HMCN2: variants seen among roughly 807,000 people sequenced by gnomAD.
The protein encoded by HMCN2 is hemicentin-2.
In HMCN2, 325 loss-of-function variants were observed where a neutral mutation model predicts 377.5. The observed-to-expected ratio is 0.86, with a 90% CI of 0.79 to 0.94. HMCN2 has a LOEUF of 0.94. Ranked by LOEUF, HMCN2 falls within the 40% of genes least tolerant of loss-of-function variation. HMCN2 has a pLI of 0.00. For synonymous variants in HMCN2, 2,007 were observed against 2,046.8 expected (o/e 0.98, Z 0.53); for missense variants, 4,543 against 4,725.3 (o/e 0.96, Z 1.13).
intron 79 of HMCN2, among the ~76,000 whole-genome samples, 155 bp from the exon 80 acceptor site, chr9:130,403,586 C>T (rs921551475): frequency 2.6e-5 from 4 of 152,184 alleles, no homozygotes; most frequent in African/African-American, 9.6e-5. Context: ...CTGAGCTGGG[C>T]TCAGGGTCAG....
At position 130,304,251 on chromosome 9, in the gene HMCN2, T is replaced by C. The variant is rs1554935718; in HGVS notation, c.1544-479T>C. ...CAGCAGTCTCTGATCTTGCCACTTC[T>C]TGTGGCTTTTTGCTATCCAGATAGC... On this transcript the variant is annotated intron_variant, in intron 10 of 97. Transcript: ENST00000683500. This position sits in a 1 kb window ranked among gnomAD's most constrained non-coding sequence, Gnocchi z 4.3. Among the ~76,000 whole-genome samples, 1 of 152,224 alleles carries C rather than the reference T, an allele frequency of 6.6e-6. No individual in the cohort carries two copies. The highest frequency in any genetic ancestry group is 1.5e-5 in the Non-Finnish European group (1 of 68,030).
chr9:130,301,591 C>T (rs377270323), intron 8 of HMCN2, among the ~76,000 whole-genome samples: 143 of 152,284 alleles, frequency 9.4e-4, no homozygotes, highest in African/African-American at 3.2e-3. Flanking sequence ...GGGTGAGTGG[C>T]GACTGCTTTG....
chr9:130,427,268 G>A (rs1257695107), intron 90 of HMCN2, 45 bp from the exon 91 acceptor site: 16 of 1,537,556 alleles, frequency 1.0e-5, no homozygotes, highest in Middle Eastern at 3.4e-4. Context: ...AGCCTTGGGA[G>A]AGGACACCCT....
intron 25 of HMCN2, among the ~76,000 whole-genome samples, chr9:130,344,356 G>A (rs1415095154): frequency 2.0e-5 from 3 of 151,640 alleles, no homozygotes; most frequent in African/African-American, 7.3e-5. Context: ...TGTGTATGTA[G>A]TATGTGGTGT....
chr9:130,410,200 T>C (rs1843337113), intron 84 of HMCN2, among the ~76,000 whole-genome samples: 1 of 152,222 alleles, frequency 6.6e-6, no homozygotes, highest in South Asian at 2.1e-4. Flanking sequence ...CCAAACTTAC[T>C]TGACCATGGA....
intron 22 of HMCN2, among the ~76,000 whole-genome samples, chr9:130,332,909 C>T (rs1196511619): frequency 1.3e-5 from 2 of 152,170 alleles, no homozygotes; most frequent in Non-Finnish European, 2.9e-5. Flanking sequence ...GTTCATTCCA[C>T]GGCCGCCGGC....
chr9:130,409,267 T>C (rs1427517223), intron 84 of HMCN2, among the ~76,000 whole-genome samples: 1 of 152,064 alleles, frequency 6.6e-6, no homozygotes, highest in Non-Finnish European at 1.5e-5. Context: ...CCTCAGGGGG[T>C]AGGGTAGGCA....
Position 130,431,459 on chromosome 9 carries a change from C to G in HMCN2, c.14740C>G (p.Leu4914Val), listed in dbSNP as rs1373559872. 1 of 1,549,970 alleles carries G rather than the reference C, an allele frequency of 6.5e-7. No individual in the cohort carries two copies. The highest frequency in any genetic ancestry group is 1.2e-5 in the South Asian group (1 of 84,056). Residue 4914 changes from leucine to valine, a missense_variant, in exon 96 of 98, where the codon CTG (leucine) becomes GTG (valine). Around this residue, in one of 5 missense-constraint regions of HMCN2, gnomAD observed 1,155 missense variants for 1,157.7 expected, o/e 1.00. Coordinates refer to ENST00000683500, the MANE Select transcript of HMCN2 (RefSeq NM_001291815.2). ...GTGCCTGTGCCCCGCCGGCTACCGT[C>G]TGCTCCCCAGCGGGAAGAACTGCCA... Reference protein sequence around the residue: ...YQCLCPAGYRLLPSGKNCQDI... With the variant: ...YQCLCPAGYRVLPSGKNCQDI...
chr9:130,426,455 G>A (rs1459617241), intron 90 of HMCN2, among the ~76,000 whole-genome samples: 1 of 152,240 alleles, frequency 6.6e-6, no homozygotes, highest in Admixed American at 6.5e-5. Flanking sequence ...CAAATCCGAG[G>A]TACACCACTT....
At position 130,432,520 on chromosome 9, in the gene HMCN2, C is replaced by T; in HGVS notation, c.14859C>T (p.Pro4953=). ...GCAGCTACCAGTGTGTGGACACACC[C>T]TGTCCTGCCACCTACCGGCAGGGCC... ...TRGSYQCVDT[P]CPATYRQGPS... is the part of the protein sequence containing the mutation. Residue 4953 remains proline (P), a synonymous_variant, in exon 97 of 98, where the codon CCC becomes CCT. Transcript: ENST00000683500. The T allele has an allele frequency of 1.1e-5, 17 of 1,550,654 alleles. No homozygotes were observed. The highest frequency in any genetic ancestry group is 1.5e-5 in the Non-Finnish European group (17 of 1,146,994).
chr9:130,293,823 AC>A (rs1835949273), intron 4 of HMCN2, among the ~76,000 whole-genome samples: 1 of 152,186 alleles, frequency 6.6e-6, no homozygotes, highest in African/African-American at 2.4e-5. Context: ...AATGTGAATG[AC>A]TGGAGTGCAG....
At position 130,337,916 on chromosome 9, in the gene HMCN2, T is replaced by TCCCTGCGTCTGGCC. The variant is rs1425486894; in HGVS notation, c.3384_3397dup (p.Gln1133ProfsTer47). 2 of 152,476 alleles carry TCCCTGCGTCTGGCC rather than the reference T, an allele frequency of 1.3e-5. No individual in the cohort carries two copies. Among genetic ancestry groups the TCCCTGCGTCTGGCC allele is most frequent in the African/African-American group, 4.8e-5 (2 of 41,364 alleles). The allele number at this position is 152,476 out of a possible 1,614,324, so 9.4% of individuals were successfully genotyped here. ...CAGGTATGGCCTCCTCCCGTCTGGCTCCCTGCGTCTGGCCCAGGTGCAGGT... is the reference window on the plus strand; with the variant it reads ...CAGGTATGGCCTCCTCCCGTCTGGCTCCCTGCGTCTGGCCCCCTGCGTCTGGCCCAGGTGCAGGT... On this transcript the variant is annotated frameshift_variant, in exon 23 of 98. Transcript: ENST00000683500. LOFTEE classifies it high-confidence loss of function.
At chr9:130,274,281 C>T (rs1834559167) in intron 1 of HMCN2, among the ~76,000 whole-genome samples, 1 of 152,138 alleles carries the variant, frequency 6.6e-6, no homozygotes, top group African/African-American at 2.4e-5. Context: ...GTCTCGAACT[C>T]CTGACCTCAG....
At position 130,396,294 on chromosome 9, in the gene HMCN2, CT is replaced by C. The variant is rs1842607399; in HGVS notation, c.11180del (p.Leu3727ArgfsTer16). The C allele has an allele frequency of 1.6e-6, 2 of 1,274,194 alleles. No homozygotes were observed. The highest frequency in any genetic ancestry group is 2.0e-6 in the Non-Finnish European group (2 of 976,070). The allele number at this position is 1,274,194 out of a possible 1,614,324, so 78.9% of individuals were successfully genotyped here. ...GAGCTGGCGGAAGGACAGGGTCCCC[CT>C]GGATCCCAGGAGCCCCAGGTGGGAG... is the stretch of plus-strand genomic sequence containing the variant. ...LVSWRKDRVP[L>X]DPRSPRFEIL... On this transcript the variant is annotated frameshift_variant, in exon 73 of 98. Coordinates refer to ENST00000683500, the MANE Select transcript of HMCN2 (RefSeq NM_001291815.2). LOFTEE classifies it high-confidence loss of function.
In HMCN2 at chr9:130,391,136, C is replaced by T. The variant is rs2131673107; in HGVS notation, c.9667+16C>T. 2.0e-6 allele frequency: 2 copies of T among 987,892 alleles called. No homozygotes were observed. The highest frequency in any genetic ancestry group is 2.4e-6 in the Non-Finnish European group (2 of 830,264). The allele number at this position is 987,892 out of a possible 1,614,324, so 61.2% of individuals were successfully genotyped here. A position where few individuals can be genotyped will look rare whatever the true frequency, so the allele number is the denominator to read the frequency against. ...GCAGTGCTGGGTAGGTCTGCGCCTG[C>T]ACCCTCCTGTCCCACTCCCATGGCA... On this transcript the variant is annotated intron_variant, in intron 63 of 97. Transcript: ENST00000683500.
At chr9:130,268,940 G>A (rs1214031985) in intron 1 of HMCN2, among the ~76,000 whole-genome samples, 1 of 149,032 alleles carries the variant, frequency 6.7e-6, no homozygotes, top group Non-Finnish European at 1.5e-5. Flanking sequence ...CTGAGCAGCA[G>A]TTTGGAACTG....
intron 73 of HMCN2, among the ~76,000 whole-genome samples, chr9:130,397,319 C>T (rs1281382270): frequency 6.6e-6 from 1 of 152,212 alleles, no homozygotes; most frequent in Non-Finnish European, 1.5e-5. Flanking sequence ...AGACCCGCCC[C>T]CCAATTCAAT....
chr9:130,272,237 A>ATT lies in HMCN2; in HGVS notation c.259+6106_259+6107dup, dbSNP rs782369046. On this transcript the variant is annotated intron_variant, in intron 1 of 97. Transcript: ENST00000683500. ...TCTTCTTCTTTTTTAAAAAAAATAA[A>ATT]TTTTTTTGTTTTTGTTTTTTTGAGA... is the stretch of plus-strand genomic sequence containing the variant. 4.0e-5 allele frequency among the ~76,000 whole-genome samples: 6 copies of ATT among 148,684 alleles called. 2 individuals carry two copies. Among genetic ancestry groups the ATT allele is most frequent in the Non-Finnish European group, 9.1e-5 (6 of 66,212 alleles).
chr9:130,290,159 C>A (rs1554929526), intron 4 of HMCN2, among the ~76,000 whole-genome samples: 1 of 152,230 alleles, frequency 6.6e-6, no homozygotes, highest in African/African-American at 2.4e-5. Flanking sequence ...GAACATTGAG[C>A]TGGCTTAATG....
Sources: allele counts gnomAD v4.1 joint callset (sites outside exome capture counted in the v4.1 genomes callset), GRCh38; gene constraint gnomAD v4.1.1; regional missense constraint gnomAD v4.1.1; non-coding constraint Gnocchi (gnomAD v3.1); transcripts MANE v1.5; gene names NCBI Gene and HGNC (gene_info 2026-07-23, HGNC 2026-07-21).